PACRG: variants seen among roughly 807,000 people sequenced by gnomAD.
PACRG encodes parkin coregulated, also known as parkin coregulated gene protein.
A neutral mutation model predicts 29.7 loss-of-function variants in PACRG; 29 were observed. That is an observed-to-expected ratio of 0.98 (90% CI 0.73 to 1.33). The LOEUF (loss-of-function observed/expected upper bound fraction) is 1.33. Ranked by LOEUF, PACRG falls within the 40% of genes most tolerant of loss-of-function variation. The pLI is 0.00. For synonymous variants in PACRG, 116 were observed against 118.7 expected (o/e 0.98, Z 0.15); for missense variants, 279 against 316.2 (o/e 0.88, Z 0.89).
chr6:163,042,584 A>G (rs1162698362), intron 2 of PACRG: 1 of 152,100 alleles, frequency 6.6e-6, no homozygotes, highest in South Asian at 2.1e-4. Flanking sequence ...TATTATTATG[A>G]CTTGAGATGT....
intron 2 of PACRG, among the ~76,000 whole-genome samples, chr6:162,939,259 T>A (rs1261386839): frequency 6.6e-6 from 1 of 152,160 alleles, no homozygotes; most frequent in Non-Finnish European, 1.5e-5. Flanking sequence ...CAACTCAAGA[T>A]GGATCAAGGA....
chr6:162,807,678 C>G (rs2128350021), intron 1 of PACRG, among the ~76,000 whole-genome samples: 1 of 152,150 alleles, frequency 6.6e-6, no homozygotes, highest in Admixed American at 6.5e-5. Context: ...GTCACCATAA[C>G]AGATATAATA....
chr6:163,100,098 T>C (rs1257255454), intron 4 of PACRG, among the ~76,000 whole-genome samples: 1 of 151,734 alleles, frequency 6.6e-6, no homozygotes, highest in Admixed American at 6.5e-5. Context: ...CCTGGACTCC[T>C]GGGCTGCCCC....
chr6:163,010,363 G>C (rs1805500152), intron 2 of PACRG, among the ~76,000 whole-genome samples: 1 of 152,204 alleles, frequency 6.6e-6, no homozygotes, highest in African/African-American at 2.4e-5. Flanking sequence ...ACGTCATGCT[G>C]ATGACTTTTA....
intron 4 of PACRG, among the ~76,000 whole-genome samples, chr6:163,200,450 A>G (rs1780648980): frequency 6.6e-6 from 1 of 152,168 alleles, no homozygotes; most frequent in African/African-American, 2.4e-5. Flanking sequence ...CAAAGGCAAC[A>G]GTACTAACCT....
At chr6:163,068,179 C>T (rs546847537) in intron 3 of PACRG, among the ~76,000 whole-genome samples, 8 of 152,152 alleles carry the variant, frequency 5.3e-5, no homozygotes, top group African/African-American at 1.2e-4. Context: ...TTTTCCTCAT[C>T]ACTGTTAGAG....
chr6:163,221,792 C>T (rs895759475), intron 4 of PACRG, among the ~76,000 whole-genome samples: 3 of 152,142 alleles, frequency 2.0e-5, no homozygotes, highest in African/African-American at 7.2e-5. Context: ...TCACTGTTGA[C>T]AGCAAGGCCT....
intron 4 of PACRG, among the ~76,000 whole-genome samples, chr6:163,197,107 A>G (rs1479061550): frequency 3.3e-5 from 5 of 152,254 alleles, no homozygotes; most frequent in African/African-American, 7.2e-5. Context: ...ACTTGAACCT[A>G]AAATTTTCAA....
chr6:162,923,318 T>C (rs781661932), intron 2 of PACRG, among the ~76,000 whole-genome samples: 1 of 152,238 alleles, frequency 6.6e-6, no homozygotes, highest in Non-Finnish European at 1.5e-5. Flanking sequence ...TCTCCTATTC[T>C]GCAGATTGTC....
intron 2 of PACRG, among the ~76,000 whole-genome samples, chr6:162,897,561 C>A (rs1408641217): frequency 2.6e-5 from 4 of 152,134 alleles, no homozygotes; most frequent in South Asian, 4.1e-4. Flanking sequence ...CTGTTCATAC[C>A]AAGATTTACA....
chr6:162,799,285 A>G (rs902207846), intron 1 of PACRG, among the ~76,000 whole-genome samples: 7 of 152,218 alleles, frequency 4.6e-5, no homozygotes, highest in Admixed American at 3.9e-4. Flanking sequence ...ATGCATTACT[A>G]TCTTTATTTA....
At chr6:162,969,691 C>T (rs1228928204) in intron 2 of PACRG, among the ~76,000 whole-genome samples, 2 of 152,154 alleles carry the variant, frequency 1.3e-5, no homozygotes, top group East Asian at 1.9e-4. Context: ...TGGAGGGCCT[C>T]GGCATGGTGT....
chr6:162,984,478 A>G lies in PACRG; in HGVS notation c.292-77672A>G, dbSNP rs142582627. ...ACAATTGCAAATTGTGCTGCTGTCA[A>G]CATGCATGTGCAAGTATCTTTTTTG... On this transcript the variant is annotated intron_variant, in intron 2 of 4. Transcript: ENST00000366888. 1.1e-4 allele frequency among the ~76,000 whole-genome samples: 16 copies of G among 152,202 alleles called. No individual in the cohort carries two copies. In the East Asian group the frequency reaches 3.1e-3, roughly 29 times the overall value.
At chr6:163,300,290 C>T (rs528443287) in intron 4 of PACRG, among the ~76,000 whole-genome samples, 1 of 152,346 alleles carries the variant, frequency 6.6e-6, no homozygotes, top group African/African-American at 2.4e-5. Flanking sequence ...GAAGCCTGGT[C>T]CAGGGCAGGA....
chr6:163,167,401 C>T (rs1471044284), intron 4 of PACRG, among the ~76,000 whole-genome samples: 2 of 152,168 alleles, frequency 1.3e-5, no homozygotes, highest in African/African-American at 4.8e-5. Flanking sequence ...TTAAGTAACC[C>T]TGATCTATGC....
chr6:163,215,080 C>A (rs763789443), intron 4 of PACRG, among the ~76,000 whole-genome samples: 6 of 151,552 alleles, frequency 4.0e-5, no homozygotes, highest in Non-Finnish European at 8.8e-5. Context: ...TTTTATCTAC[C>A]CATGTATTCA....
chr6:162,844,181 G>T (rs1180028337), intron 2 of PACRG, among the ~76,000 whole-genome samples: 2 of 150,016 alleles, frequency 1.3e-5, no homozygotes, highest in African/African-American at 2.4e-5. Context: ...GCAATGGCGG[G>T]CGCCCCTCCC....
chr6:163,011,634 A>T (rs59793419), intron 2 of PACRG, among the ~76,000 whole-genome samples: 7,387 of 152,224 alleles, frequency 0.049, 608 homozygotes, highest in African/African-American at 0.17. Flanking sequence ...TCTTCAGTAA[A>T]AAATTAACCT....
At chr6:162,834,245 A>G (rs1452846588) in intron 2 of PACRG, among the ~76,000 whole-genome samples, 1 of 149,636 alleles carries the variant, frequency 6.7e-6, no homozygotes, top group Non-Finnish European at 1.5e-5. Flanking sequence ...GTTAAGTAAG[A>G]AAACTGTACC....
Sources: gnomAD v4.1 joint callset for allele counts (sites outside exome capture counted in the v4.1 genomes callset) on GRCh38, gnomAD v4.1.1 for gene constraint, MANE v1.5 for transcripts, NCBI Gene and HGNC (gene_info 2026-07-23, HGNC 2026-07-21) for gene names.